ZMAT4: variants seen among roughly 807,000 people sequenced by gnomAD.
The protein encoded by ZMAT4 is zinc finger matrin-type 4, also known as zinc finger matrin-type protein 4.
In ZMAT4, 17 loss-of-function variants were observed where a neutral mutation model predicts 28.7. The observed-to-expected ratio is 0.59, with a 90% CI of 0.41 to 0.89. The LOEUF (loss-of-function observed/expected upper bound fraction) is 0.89, where lower values mean the gene tolerates loss of function less well. Among genes scored for constraint, ZMAT4 ranks in the 40% least tolerant of loss-of-function variants. The pLI is 0.00. For missense variants in ZMAT4, 240 were observed against 283.8 expected (o/e 0.85, Z 1.11); for synonymous variants, 117 against 109.2 (o/e 1.07, Z -0.44).
chr8:40,622,095 AAT>A (rs1806222986), intron 5 of ZMAT4, among the ~76,000 whole-genome samples: 1 of 152,248 alleles, frequency 6.6e-6, no homozygotes, highest in Admixed American at 6.5e-5. Flanking sequence ...ACACATTCCC[AAT>A]ACATGAAAGC....
chr8:40,802,397 G>C (rs904826337), intron 2 of ZMAT4, among the ~76,000 whole-genome samples: 13 of 152,062 alleles, frequency 8.5e-5, no homozygotes, highest in Non-Finnish European at 1.6e-4. Context: ...TACAAGGCTA[G>C]TATATAAAAG....
intron 5 of ZMAT4, among the ~76,000 whole-genome samples, chr8:40,591,658 T>A (rs1367432083): frequency 6.6e-6 from 1 of 152,218 alleles, no homozygotes; most frequent in African/African-American, 2.4e-5. Context: ...CATAATTGCA[T>A]GAGGTCTAAT....
intron 2 of ZMAT4, among the ~76,000 whole-genome samples, chr8:40,769,103 A>G (rs1362146810): frequency 6.6e-6 from 1 of 152,244 alleles, no homozygotes; most frequent in Non-Finnish European, 1.5e-5. Flanking sequence ...AACACTTTTA[A>G]GGCCTTTAAA....
chr8:40,777,434 G>C (rs1813644736), intron 2 of ZMAT4, among the ~76,000 whole-genome samples: 1 of 152,154 alleles, frequency 6.6e-6, no homozygotes, highest in Non-Finnish European at 1.5e-5. Flanking sequence ...GATCTGGTGG[G>C]AGATTCTCTT....
intron 3 of ZMAT4, among the ~76,000 whole-genome samples, chr8:40,702,896 T>A (rs1294249850): frequency 6.6e-6 from 1 of 152,034 alleles, no homozygotes; most frequent in Non-Finnish European, 1.5e-5. Context: ...GAAACACGCA[T>A]AGAGAGTAAT....
At chr8:40,798,352 G>T (rs1023162114) in intron 2 of ZMAT4, among the ~76,000 whole-genome samples, 3 of 152,094 alleles carry the variant, frequency 2.0e-5, no homozygotes, top group Non-Finnish European at 4.4e-5. Flanking sequence ...GACTGGCATC[G>T]CTCTGTTCCA....
At chr8:40,770,229 C>T (rs1156256699) in intron 2 of ZMAT4, among the ~76,000 whole-genome samples, 2 of 152,302 alleles carry the variant, frequency 1.3e-5, no homozygotes, top group East Asian at 3.9e-4. Flanking sequence ...CCCAAGGTGC[C>T]TGGACCAGAT....
At chr8:40,643,076 G>T (rs1410530276) in intron 5 of ZMAT4, among the ~76,000 whole-genome samples, 1 of 152,212 alleles carries the variant, frequency 6.6e-6, no homozygotes, top group Non-Finnish European at 1.5e-5. Flanking sequence ...GCTATGAGGT[G>T]CAGGTGTAAA....
intron 3 of ZMAT4, among the ~76,000 whole-genome samples, chr8:40,713,401 T>G (rs1810707046): frequency 6.6e-6 from 1 of 150,704 alleles, no homozygotes; most frequent in African/African-American, 2.4e-5. Flanking sequence ...GTTCTGTATA[T>G]CAAGAAATAA....
chr8:40,871,963 C>T (rs1274410946), intron 1 of ZMAT4, among the ~76,000 whole-genome samples: 1 of 152,198 alleles, frequency 6.6e-6, no homozygotes, highest in Non-Finnish European at 1.5e-5. Flanking sequence ...AAATTTTAGA[C>T]TTTCAGGGAA....
chr8:40,600,981 A>G lies in ZMAT4; in HGVS notation c.578-19720T>C, dbSNP rs76305199. On this transcript the variant is annotated intron_variant, in intron 5 of 6. Transcript: ENST00000297737. The stretch of plus-strand genomic sequence containing the variant: ...AACTCTTAACTGCCAGGCATATGTC[A>G]TAGACTGATAGCAAGCAGTATAAGA... Among the ~76,000 whole-genome samples the G allele has an allele frequency of 1.9e-4, 29 of 152,306 alleles. No individual in the cohort carries two copies. In the East Asian group the frequency reaches 5.4e-3, roughly 28 times the overall value.
chr8:40,764,694 C>T (rs781174406), intron 3 of ZMAT4, among the ~76,000 whole-genome samples: 1 of 152,094 alleles, frequency 6.6e-6, no homozygotes, highest in African/African-American at 2.4e-5. Flanking sequence ...GTTATTATAT[C>T]CTTCTGAGAA....
chr8:40,751,542 G>A (rs1050349695), intron 3 of ZMAT4, among the ~76,000 whole-genome samples: 1 of 151,982 alleles, frequency 6.6e-6, no homozygotes, highest in Admixed American at 6.6e-5. Flanking sequence ...CCATCCCCAT[G>A]ATCCGATCGC....
At chr8:40,868,489 A>G (rs953000306) in intron 1 of ZMAT4, among the ~76,000 whole-genome samples, 4 of 152,182 alleles carry the variant, frequency 2.6e-5, no homozygotes, top group Non-Finnish European at 5.9e-5. Context: ...TCAGGATACA[A>G]CATCTCACTA....
intron 3 of ZMAT4, among the ~76,000 whole-genome samples, chr8:40,732,834 CTTTTTTTTTTT>C (rs11461186): frequency 1.5e-5 from 1 of 67,022 alleles, no homozygotes; most frequent in Non-Finnish European, 2.8e-5. Flanking sequence ...GCAAGACCTC[CTTTTTTTTTTT>C]TTTTTTTTTT....
chr8:40,736,802 G>A (rs1474211482), intron 3 of ZMAT4, among the ~76,000 whole-genome samples: 1 of 58,438 alleles, frequency 1.7e-5, no homozygotes, highest in African/African-American at 5.7e-5. Context: ...AAACCAGTGA[G>A]GGACGGGTGG....
intron 3 of ZMAT4, among the ~76,000 whole-genome samples, chr8:40,715,723 AC>A (rs1810822394): frequency 6.6e-6 from 1 of 152,202 alleles, no homozygotes; most frequent in Admixed American, 6.5e-5. Context: ...GGAAGCCCAG[AC>A]ATGCATGGGG....
chr8:40,667,314 C>A (rs1191289477), intron 5 of ZMAT4, among the ~76,000 whole-genome samples: 1 of 152,010 alleles, frequency 6.6e-6, no homozygotes. Context: ...CGCCACCACG[C>A]CCGGCTAATT....
intron 5 of ZMAT4, among the ~76,000 whole-genome samples, chr8:40,657,372 A>G (rs548923604): frequency 2.0e-3 from 299 of 152,114 alleles, no homozygotes; most frequent in Non-Finnish European, 3.1e-3. Context: ...TGCTGGCAAC[A>G]AATTCTTTAG....
Sources: allele counts gnomAD v4.1 joint callset (sites outside exome capture counted in the v4.1 genomes callset), GRCh38; gene constraint gnomAD v4.1.1; transcripts MANE v1.5; gene names NCBI Gene and HGNC (gene_info 2026-07-23, HGNC 2026-07-21).